Variants in PRKCH observed in about 807,000 individuals in gnomAD.
PRKCH encodes protein kinase C eta type.
In PRKCH, 28 loss-of-function variants were observed where a neutral mutation model predicts 82.5. The observed-to-expected ratio is 0.34, with a 90% CI of 0.25 to 0.47. The LOEUF is 0.47. Among genes scored for constraint, PRKCH ranks in the 20% least tolerant of loss-of-function variants. The pLI is 1.00. For missense variants in PRKCH, 705 were observed against 881.8 expected (o/e 0.80, Z 2.54); for synonymous variants, 322 against 327.4 (o/e 0.98, Z 0.18).
At chr14:61,354,155 CT>C (rs1163135458) in intron 1 of PRKCH, among the ~76,000 whole-genome samples, 19 of 152,170 alleles carry the variant, frequency 1.2e-4, no homozygotes, top group African/African-American at 4.3e-4. Flanking sequence ...ACAGAAGATA[CT>C]TGGAATTTCA....
intron 1 of PRKCH, among the ~76,000 whole-genome samples, chr14:61,363,706 C>T (rs1388808620): frequency 6.6e-6 from 1 of 151,862 alleles, no homozygotes; most frequent in African/African-American, 2.4e-5. Flanking sequence ...GTAGTTAGAG[C>T]CATGTGAGTA....
chr14:61,209,220 G>C (rs932157339), intron 1 of PRKCH, among the ~76,000 whole-genome samples: 2 of 148,310 alleles, frequency 1.3e-5, no homozygotes, highest in Non-Finnish European at 3.0e-5. Flanking sequence ...CTCAAAAACT[G>C]TAAGAAATGA....
At chr14:61,469,314 G>A (rs1885396377) in intron 9 of PRKCH, among the ~76,000 whole-genome samples, 1 of 152,226 alleles carries the variant, frequency 6.6e-6, no homozygotes, top group African/African-American at 2.4e-5. Flanking sequence ...ACAGTAGATA[G>A]CATGTAGTAA....
intron 10 of PRKCH, among the ~76,000 whole-genome samples, chr14:61,505,395 C>CTTTTTCTTTTTTTTTTTTTTTTTTTTTTT (rs1887099057): frequency 1.8e-5 from 1 of 55,738 alleles, no homozygotes; most frequent in Non-Finnish European, 3.2e-5. Context: ...CTTTTCTTTT[C>CTTTTTCTTTTTTTTTTTTTTTTTTTTTTT]TTTTTTTTTT....
chr14:61,453,409 G>A lies in PRKCH; in HGVS notation c.960+56G>A, dbSNP rs1200837965. The A allele has an allele frequency of 1.9e-6, 3 of 1,570,538 alleles. No homozygotes were observed. In the African/African-American group the frequency reaches 4.1e-5, roughly 21 times the overall value. On this transcript the variant is annotated intron_variant, in intron 7 of 13. Coordinates refer to ENST00000332981, the MANE Select transcript of PRKCH (RefSeq NM_006255.5). ...AATTTAGAAGTTGCTCAGATGTGAT[G>A]AGCCCAAATGAGAGCATGTGGCCTC...
intron 9 of PRKCH, among the ~76,000 whole-genome samples, chr14:61,480,417 A>G (rs1208747534): frequency 1.3e-5 from 2 of 152,256 alleles, no homozygotes; most frequent in African/African-American, 4.8e-5. Flanking sequence ...GACTGAGAGT[A>G]GAGCTGTAGG....
intron 10 of PRKCH, among the ~76,000 whole-genome samples, chr14:61,517,508 G>A (rs916752954): frequency 6.6e-5 from 10 of 152,186 alleles, no homozygotes; most frequent in African/African-American, 2.4e-4. Context: ...CTGTGTATTT[G>A]TATGACAGCT....
intron 12 of PRKCH, among the ~76,000 whole-genome samples, chr14:61,534,254 T>A (rs946147377): frequency 2.6e-5 from 4 of 152,202 alleles, no homozygotes; most frequent in Admixed American, 2.0e-4. Flanking sequence ...CTAATAGATA[T>A]TTGTACACCC....
chr14:61,413,595 C>G (rs1247009075), intron 2 of PRKCH, among the ~76,000 whole-genome samples: 1 of 152,098 alleles, frequency 6.6e-6, no homozygotes, highest in Non-Finnish European at 1.5e-5. Flanking sequence ...TGCTAAAGAC[C>G]TGTGCTTCCT....
intron 10 of PRKCH, among the ~76,000 whole-genome samples, chr14:61,510,394 C>T (rs1321173828): frequency 1.3e-5 from 2 of 151,616 alleles, no homozygotes; most frequent in Non-Finnish European, 2.9e-5. Context: ...CAGCTTGGGG[C>T]AAGCCAGTAA....
intron 9 of PRKCH, among the ~76,000 whole-genome samples, chr14:61,458,754 G>A (rs1187726060): frequency 1.3e-5 from 2 of 152,114 alleles, no homozygotes; most frequent in Non-Finnish European, 2.9e-5. Context: ...TCACGTGACA[G>A]CAGGAGAGAG....
chr14:61,255,677 A>C (rs1424896685), intron 1 of PRKCH, among the ~76,000 whole-genome samples: 1 of 152,186 alleles, frequency 6.6e-6, no homozygotes, highest in East Asian at 1.9e-4. Context: ...TTATGAGGTG[A>C]GTAGGGGTAT....
At chr14:61,420,690 A>T (rs542394657) in intron 2 of PRKCH, among the ~76,000 whole-genome samples, 1 of 152,346 alleles carries the variant, frequency 6.6e-6, no homozygotes, top group South Asian at 2.1e-4. Flanking sequence ...CACTACAGTT[A>T]GCCTTGGGAA....
chr14:61,193,479 C>T (rs2044420707), intron 1 of PRKCH, among the ~76,000 whole-genome samples: 1 of 151,916 alleles, frequency 6.6e-6, no homozygotes, highest in South Asian at 2.1e-4. Context: ...AACAACATCA[C>T]CTTTGTATTA....
chr14:61,205,599 C>T (rs1478511315), intron 1 of PRKCH, among the ~76,000 whole-genome samples: 1 of 152,182 alleles, frequency 6.6e-6, no homozygotes, highest in African/African-American at 2.4e-5. Context: ...GCCGTGCTGA[C>T]AGCTTCCCAC....
At chr14:61,454,967 C>G (rs577073756) in intron 7 of PRKCH, among the ~76,000 whole-genome samples, 1 of 152,190 alleles carries the variant, frequency 6.6e-6, no homozygotes, top group East Asian at 1.9e-4. Context: ...AATGTCAGCA[C>G]CAACCACCTC....
At chr14:61,440,346 A>G (rs558713440) in intron 2 of PRKCH, among the ~76,000 whole-genome samples, 5 of 152,166 alleles carry the variant, frequency 3.3e-5, no homozygotes, top group African/African-American at 4.8e-5. Context: ...GGGCATTTTT[A>G]TCTTCTTGAG....
intron 12 of PRKCH, among the ~76,000 whole-genome samples, chr14:61,536,702 G>A (rs1194868999): frequency 6.6e-6 from 1 of 152,156 alleles, no homozygotes; most frequent in Non-Finnish European, 1.5e-5. Flanking sequence ...CTGGCGTGAT[G>A]TCAGCGAGGG....
At chr14:61,233,369 T>C (rs1292856346) in intron 1 of PRKCH, among the ~76,000 whole-genome samples, 1 of 148,864 alleles carries the variant, frequency 6.7e-6, no homozygotes, top group Non-Finnish European at 1.5e-5. Flanking sequence ...CTGCTCTGGG[T>C]GATAGAGAGA....
Sources: gnomAD v4.1 joint callset for allele counts (sites outside exome capture counted in the v4.1 genomes callset) on GRCh38, gnomAD v4.1.1 for gene constraint, MANE v1.5 for transcripts, NCBI Gene and HGNC (gene_info 2026-07-23, HGNC 2026-07-21) for gene names.